EPHB4: variants seen among roughly 807,000 people sequenced by gnomAD.
The protein encoded by EPHB4 is ephrin type-B receptor 4.
In EPHB4, 50 loss-of-function variants were observed where a neutral mutation model predicts 110.6. That is an observed-to-expected ratio of 0.45 (90% CI 0.36 to 0.57). The LOEUF (loss-of-function observed/expected upper bound fraction) is 0.57, where lower values mean the gene tolerates loss of function less well. Among genes scored for constraint, EPHB4 ranks in the 20% least tolerant of loss-of-function variants. EPHB4 has a pLI of 0.00. For synonymous variants in EPHB4, 592 were observed against 578.4 expected (o/e 1.02, Z -0.34); for missense variants, 1,128 against 1,382.1 (o/e 0.82, Z 2.91).
At chr7:100,818,109 C>T (rs962947587) in intron 7 of EPHB4, among the ~76,000 whole-genome samples, 10 of 146,762 alleles carry the variant, frequency 6.8e-5, no homozygotes, top group Middle Eastern at 8.0e-3. Context: ...CCTTGTGATC[C>T]GCCCACCTCG....
chr7:100,806,895 C>A (rs932003994), intron 13 of EPHB4, among the ~76,000 whole-genome samples: 10 of 152,316 alleles, frequency 6.6e-5, no homozygotes, highest in Admixed American at 4.6e-4. Context: ...GTCTCGAACT[C>A]CTGACCTCAG....
intron 7 of EPHB4, among the ~76,000 whole-genome samples, chr7:100,817,859 GTTT>G (rs33978512): frequency 3.2e-4 from 15 of 47,090 alleles, no homozygotes; most frequent in African/African-American, 1.1e-3. Flanking sequence ...TATTTTTTGC[GTTT>G]TTTTTTTTTT....
intron 10 of EPHB4, 149 bp from the exon 11 acceptor site, chr7:100,813,357 C>G: frequency 1.4e-6 from 1 of 694,762 alleles, no homozygotes; most frequent in East Asian, 2.9e-5. Flanking sequence ...CTCTGTCACC[C>G]AGGCCTGGAG....
At chr7:100,820,100 A>AC (rs770798144) in intron 5 of EPHB4, 41 bp downstream of exon 5, 155 of 1,601,226 alleles carry the variant, frequency 9.7e-5, no homozygotes, top group Non-Finnish European at 1.3e-4. Context: ...GAGGTCTGTG[A>AC]CCCCTCCCCA....
rs941180000 is a variant in EPHB4 at position 100,822,206 on chromosome 7, C to A, written c.808+65G>T. 3.1e-5 allele frequency: 46 copies of A among 1,497,776 alleles called. 1 individual carries two copies. The South Asian group carries it at 5.4e-4, about 18-fold the overall frequency. 92.8% of individuals were successfully genotyped at this position (1,497,776 alleles called of 1,614,324 possible). ...CAAAATGGAAACTTAAGAAGTGGGT[C>A]CTGAGTGGAGTTCAGGACTCTCCCC... On this transcript the variant is annotated intron_variant, in intron 4 of 16. Coordinates refer to ENST00000358173, the MANE Select transcript of EPHB4 (RefSeq NM_004444.5). This position sits in a 1 kb window ranked among gnomAD's most constrained non-coding sequence, Gnocchi z 4.7.
chr7:100,813,306 GTTTTT>G (rs750195537), intron 10 of EPHB4, 98 bp from the exon 11 acceptor site: 243 of 385,406 alleles, frequency 6.3e-4, no homozygotes, highest in Non-Finnish European at 7.3e-4. Context: ...TGTCTCCGTG[GTTTTT>G]TTTTTTTTTT....
At chr7:100,818,385 C>T (rs1813134077) in intron 7 of EPHB4, 135 bp downstream of exon 7, 1 of 1,367,040 alleles carries the variant, frequency 7.3e-7, no homozygotes, top group Non-Finnish European at 1.0e-6. Context: ...GGCCAAGGGG[C>T]TTACCCAAGG....
intron 13 of EPHB4, 80 bp from the exon 14 acceptor site, chr7:100,806,649 C>T: frequency 1.3e-6 from 2 of 1,498,314 alleles, no homozygotes; most frequent in South Asian, 1.3e-5. Context: ...CCCAGTCCCC[C>T]ACCTGCCTCT....
chr7:100,812,141 C>T (rs935916867), intron 12 of EPHB4, among the ~76,000 whole-genome samples: 18 of 150,958 alleles, frequency 1.2e-4, no homozygotes, highest in African/African-American at 3.9e-4. Flanking sequence ...CATTGCACTC[C>T]GGCCTGGGCA....
chr7:100,805,700 AAG>A lies in EPHB4; in HGVS notation c.2485-8_2485-7del. On this transcript the variant is annotated splice_region_variant and splice_polypyrimidine_tract_variant and intron_variant, in intron 14 of 16. Coordinates refer to ENST00000358173, the MANE Select transcript of EPHB4 (RefSeq NM_004444.5). ...TGTTCAATGGCATTGATCACCTGGA[AAG>A]AGGGGAAGAAGCTCTGGGTGAGGCT... 1 of 1,461,146 alleles carries A rather than the reference AAG, an allele frequency of 6.8e-7. No homozygotes were observed. 90.5% of individuals were successfully genotyped at this position (1,461,146 alleles called of 1,614,324 possible). A position where few individuals can be genotyped will look rare whatever the true frequency, so the allele number is the denominator to read the frequency against.
chr7:100,819,826 C>A lies in EPHB4; in HGVS notation c.1028G>T (p.Trp343Leu). The change falls in exon 6 of 17, where the codon TGG becomes TTG. Residue 343 changes from tryptophan (W) to leucine (L), a missense_variant. Coordinates refer to ENST00000358173, the MANE Select transcript of EPHB4 (RefSeq NM_004444.5). ...RLNGSSLHLE[W>L]SAPLESGGRE... ...GCCACCAGACTCCAGGGGGGCACTC[C>A]ATTCCAGGTGCAGGGAGGAGCCGTT... 1 of 1,557,986 alleles carries A rather than the reference C, an allele frequency of 6.4e-7. No homozygotes were observed. The highest frequency in any genetic ancestry group is 2.4e-5 in the East Asian group (1 of 41,352).
chr7:100,817,992 G>A (rs1289097562), intron 7 of EPHB4, among the ~76,000 whole-genome samples: 2 of 140,356 alleles, frequency 1.4e-5, no homozygotes, highest in Non-Finnish European at 3.0e-5. Context: ...TCAGCCTCCC[G>A]AGTAGCTGGG....
chr7:100,805,091 C>A, intron 16 of EPHB4, 75 bp downstream of exon 16: 1 of 1,526,882 alleles, frequency 6.5e-7, no homozygotes, highest in Non-Finnish European at 8.8e-7. Context: ...ACCCCAAAAG[C>A]CCCTGGAGAC....
intron 12 of EPHB4, among the ~76,000 whole-genome samples, chr7:100,809,056 G>T (rs1812875770): frequency 6.6e-6 from 1 of 152,124 alleles, no homozygotes; most frequent in Non-Finnish European, 1.5e-5. Flanking sequence ...TCTGCTGCAG[G>T]CCTCTCCCAG....
intron 12 of EPHB4, among the ~76,000 whole-genome samples, chr7:100,811,727 G>A (rs1053913251): frequency 6.6e-6 from 1 of 151,830 alleles, no homozygotes; most frequent in Non-Finnish European, 1.5e-5. Flanking sequence ...AAAATTTGCT[G>A]AGCATGGTGG....
chr7:100,818,705 AAAAAT>A, intron 6 of EPHB4, 61 bp from the exon 7 acceptor site: 2 of 1,529,370 alleles, frequency 1.3e-6, no homozygotes, highest in Non-Finnish European at 8.8e-7. Flanking sequence ...TTAACTTAAA[AAAAAT>A]TTTTTTTTTC....
Position 100,813,643 on chromosome 7 carries a change from GC to G in EPHB4, c.1756+8del. The stretch of plus-strand genomic sequence containing the variant: ...AAGCCCCTATTCCCATCAAATTAGG[GC>G]AACCCACCATGTCCGATGAGATACT... On this transcript the variant is annotated splice_region_variant and intron_variant, in intron 10 of 16. Coordinates refer to ENST00000358173, the MANE Select transcript of EPHB4 (RefSeq NM_004444.5). The G allele has an allele frequency of 6.2e-7, 1 of 1,613,848 alleles. No individual in the cohort carries two copies. The highest frequency in any genetic ancestry group is 1.1e-5 in the South Asian group (1 of 91,082).
In EPHB4 at chr7:100,806,482, T is replaced by C; in HGVS notation, c.2422A>G (p.Ile808Val). 6.2e-7 allele frequency: 1 copy of C among 1,613,810 alleles called. No homozygotes were observed. Among genetic ancestry groups the C allele is most frequent in the Non-Finnish European group, 8.5e-7 (1 of 1,179,966 alleles). The change falls in exon 14 of 17, where the codon ATT becomes GTT. Residue 808 changes from isoleucine (I) to valine (V), a missense_variant. Ile to Val is a conservative substitution (Grantham distance 29, BLOSUM62 3). Coordinates refer to ENST00000358173, the MANE Select transcript of EPHB4 (RefSeq NM_004444.5). ...AATGACATCACCTCCCACATCACAA[T>C]CCCGTAACTCCAGGCATCACTGGCG... is the stretch of plus-strand genomic sequence containing the variant. ...TSASDAWSYG[I>V]VMWEVMSFGE... is the part of the protein sequence containing the mutation.
chr7:100,804,308 C>CTTTTTTTT (rs11338293), intron 16 of EPHB4, among the ~76,000 whole-genome samples: 2 of 71,568 alleles, frequency 2.8e-5, no homozygotes, highest in African/African-American at 5.3e-5. Flanking sequence ...CTTCACATTT[C>CTTTTTTTT]TTTTTTTTTT....
Sources: gnomAD v4.1 joint callset for allele counts (sites outside exome capture counted in the v4.1 genomes callset) on GRCh38, gnomAD v4.1.1 for gene constraint, Gnocchi (gnomAD v3.1) non-coding constraint, MANE v1.5 for transcripts, NCBI Gene and HGNC (gene_info 2026-07-23, HGNC 2026-07-21) for gene names.